COX4I1: variants seen among roughly 807,000 people sequenced by gnomAD.
COX4I1 encodes the protein cytochrome c oxidase subunit 4 isoform 1, mitochondrial.
A neutral mutation model predicts 21.7 loss-of-function variants in COX4I1; 18 were observed. The ratio of observed to expected loss-of-function variants is 0.83; its 90% CI spans 0.57 to 1.23. The LOEUF (loss-of-function observed/expected upper bound fraction) is 1.23. Ranked by LOEUF, COX4I1 falls within the 50% of genes most tolerant of loss-of-function variation. The pLI, the probability that COX4I1 is intolerant of heterozygous loss-of-function variation, is 0.00. For synonymous variants in COX4I1, 100 were observed against 81.5 expected, an observed-to-expected ratio of 1.23 and a Z score of -1.23; for missense variants, 238 against 220.7, an observed-to-expected ratio of 1.08 and a Z score of -0.50.
chr16:85,802,095 T>TTAG (rs1239031585), intron 2 of COX4I1, among the ~76,000 whole-genome samples: 1 of 152,138 alleles, frequency 6.6e-6, no homozygotes, highest in African/African-American at 2.4e-5. Flanking sequence ...TCCGATCTTA[T>TTAG]TACTGACTGT....
chr16:85,801,413 C>G (rs1905748834), intron 2 of COX4I1, 135 bp downstream of exon 2: 2 of 618,532 alleles, frequency 3.2e-6, no homozygotes, highest in Non-Finnish European at 5.7e-6. Context: ...TATAAATGTT[C>G]TCACAGGGCT....
chr16:85,806,878 A>T lies in COX4I1; in HGVS notation c.*4A>T. On this transcript the variant is annotated 3_prime_UTR_variant, in exon 5 of 5. Coordinates refer to ENST00000253452, the MANE Select transcript of COX4I1 (RefSeq NM_001861.6). ...AAAGAACGAGTGGAAGAAGTGAGAG[A>T]TGCTGGCCTGCGCCTGCACCTGCGC... is the stretch of plus-strand genomic sequence containing the variant. The T allele has an allele frequency of 6.2e-7, 1 of 1,611,942 alleles. No homozygotes were observed. The highest frequency in any genetic ancestry group is 1.1e-5 in the South Asian group (1 of 90,820).
intron 2 of COX4I1, among the ~76,000 whole-genome samples, chr16:85,802,638 G>A (rs1905857973): frequency 6.6e-6 from 1 of 152,204 alleles, no homozygotes; most frequent in African/African-American, 2.4e-5. Flanking sequence ...CTGAGTAAGG[G>A]GTGCCCAGAT....
intron 3 of COX4I1, chr16:85,805,442 CAA>C: frequency 3.7e-6 from 2 of 538,304 alleles, no homozygotes; most frequent in South Asian, 5.4e-5. Context: ...AGAAAAATAA[CAA>C]GATTAAATAG....
In COX4I1 at chr16:85,801,618, C is replaced by A. The variant is rs570274783; in HGVS notation, c.73+340C>A. ...CCTCCCCACCTTGCCCCCACAACTC[C>A]CAACCATTTGCATCACCTCTGTTTA... On this transcript the variant is annotated intron_variant, in intron 2 of 4. Coordinates refer to ENST00000253452, the MANE Select transcript of COX4I1 (RefSeq NM_001861.6). 3.9e-5 allele frequency among the ~76,000 whole-genome samples: 6 copies of A among 152,240 alleles called. No individual in the cohort carries two copies. The East Asian group carries it at 1.2e-3, about 29-fold the overall frequency.
intron 4 of COX4I1, 131 bp from the exon 5 acceptor site, chr16:85,806,607 C>A: frequency 1.6e-6 from 2 of 1,282,268 alleles, no homozygotes; most frequent in Non-Finnish European, 2.3e-6. Flanking sequence ...TGTGTTTGAG[C>A]GGGTGTTGAG....
rs745678886 is a variant in COX4I1, at chr16:85,806,489, T to C, written c.374-249T>C. 2 of 707,690 alleles carry C rather than the reference T, an allele frequency of 2.8e-6. 1 individual carries two copies. The highest frequency in any genetic ancestry group is 3.0e-5 in the South Asian group (2 of 67,692). 43.8% of individuals were successfully genotyped at this position (707,690 alleles called of 1,614,324 possible). A position where few individuals can be genotyped will look rare whatever the true frequency, so the allele number is the denominator to read the frequency against. On this transcript the variant is annotated intron_variant, in intron 4 of 4. Coordinates refer to ENST00000253452, the MANE Select transcript of COX4I1 (RefSeq NM_001861.6). ...GGGCTCTGTTTGTCAGATCCTGTTA[T>C]CCATAGCCTTTAGAGAGGACCTTCT... is the stretch of plus-strand genomic sequence containing the variant.
rs573874022 is a variant in COX4I1 at position 85,806,208 on chromosome 16, C to T, written c.373+344C>T. On this transcript the variant is annotated intron_variant, in intron 4 of 4. Transcript: ENST00000253452. ...AGGTTCGAGCAAGGATAAGGGGACT[C>T]ATTCATTGAATGACTGTCTGGACTG... is the stretch of plus-strand genomic sequence containing the variant. The T allele has an allele frequency of 6.8e-6, 4 of 588,686 alleles. No individual in the cohort carries two copies. The East Asian group carries it at 8.3e-5, about 12-fold the overall frequency. 36.5% of individuals were successfully genotyped at this position (588,686 alleles called of 1,614,324 possible). A position where few individuals can be genotyped will look rare whatever the true frequency, so the allele number is the denominator to read the frequency against.
At position 85,805,786 on chromosome 16, in the gene COX4I1, G is replaced by T. The variant is rs1906145851; in HGVS notation, c.295G>T (p.Glu99Ter). Residue 99 changes from glutamate to a stop codon, truncating the protein, a stop_gained, in exon 4 of 5, where the codon GAG becomes TAG. Transcript: ENST00000253452. LOFTEE classifies it high-confidence loss of function. ...TGCTGAGATGAACAGGGGCTCGAAC[G>T]AGTGGAAGACGGTTGTGGGCGGTGC... Reference protein sequence around the residue: ...SFAEMNRGSNEWKTVVGGAMF... With the variant: ...SFAEMNRGSN 6.2e-7 allele frequency: 1 copy of T among 1,614,126 alleles called. No homozygotes were observed. Among genetic ancestry groups the T allele is most frequent in the South Asian group, 1.1e-5 (1 of 91,088 alleles).
Position 85,807,066 on chromosome 16 carries a change from C to T in COX4I1, c.*192C>T. 1.6e-6 allele frequency: 1 copy of T among 620,432 alleles called. No individual in the cohort carries two copies. Among genetic ancestry groups the T allele is most frequent in the African/African-American group, 1.9e-5 (1 of 54,004 alleles). 38.4% of individuals were successfully genotyped at this position (620,432 alleles called of 1,614,324 possible). The stretch of plus-strand genomic sequence containing the variant: ...GCTAATTAAAACAATAGGTTTCTCC[C>T]AAGGGTCTGGAGTAAATATATTTTG... On this transcript the variant is annotated 3_prime_UTR_variant, in exon 5 of 5. Transcript: ENST00000253452.
intron 3 of COX4I1, chr16:85,805,314 C>T: frequency 1.8e-6 from 1 of 563,638 alleles, no homozygotes; most frequent in Admixed American, 3.4e-5. Flanking sequence ...TTTGCTAGGC[C>T]CCCTTCTCTG....
intron 1 of COX4I1, 75 bp from the exon 2 acceptor site, chr16:85,801,130 T>C (rs1018860428): frequency 2.3e-6 from 3 of 1,314,528 alleles, no homozygotes; most frequent in African/African-American, 2.9e-5. Flanking sequence ...TCCAAAATGC[T>C]CTGGGGCAAA....
chr16:85,805,835 C>T lies in COX4I1; in HGVS notation c.344C>T (p.Ala115Val), dbSNP rs375895416. 19 of 1,614,102 alleles carry T rather than the reference C, an allele frequency of 1.2e-5. No homozygotes were observed. In the Admixed American group the frequency reaches 1.7e-4, roughly 14 times the overall value. ...GGAMFFIGFT[A>V]LVIMWQKHYV... is the part of the protein sequence containing the mutation. ...GCCATGTTCTTCATCGGTTTCACCG[C>T]GCTCGTTATCATGTGGCAGAAGCAC... Residue 115 changes from alanine to valine, a missense_variant, in exon 4 of 5, where the codon GCG (alanine) becomes GTG (valine). By Grantham distance (64) the Ala-to-Val change is moderately conservative (BLOSUM62 0). Transcript: ENST00000253452.
At chr16:85,803,635 AAAT>A (rs1442377341) in intron 2 of COX4I1, 1 of 152,084 alleles carries the variant, frequency 6.6e-6, no homozygotes, top group Non-Finnish European at 1.5e-5. Context: ...GAAGGCACTA[AAAT>A]AACAGAAGCA....
chr16:85,804,381 GA>G (rs1278674972), intron 2 of COX4I1: 1 of 152,214 alleles, frequency 6.6e-6, no homozygotes, highest in Admixed American at 6.5e-5. Context: ...ATTTTGAGAC[GA>G]AGTCTCGCTC....
chr16:85,804,950 G>C lies in COX4I1; in HGVS notation c.87G>C (p.Lys29Asn). Residue 29 changes from lysine to asparagine, a missense_variant, in exon 3 of 5, where the codon AAG becomes AAC. Coordinates refer to ENST00000253452, the MANE Select transcript of COX4I1 (RefSeq NM_001861.6). ...VCVRAHESVV[K>N]SEDFSLPAYM... Reference sequence around the variant, plus strand: ...TATGTTTTTCAGAAAGTGTTGTGAAGAGCGAAGACTTTTCGCTCCCAGCTT... The same window carrying C: ...TATGTTTTTCAGAAAGTGTTGTGAACAGCGAAGACTTTTCGCTCCCAGCTT... 6.2e-7 allele frequency: 1 copy of C among 1,609,190 alleles called. No homozygotes were observed. Among genetic ancestry groups the C allele is most frequent in the Non-Finnish European group, 8.5e-7 (1 of 1,178,282 alleles).
At chr16:85,801,750 C>G (rs756600618) in intron 2 of COX4I1, among the ~76,000 whole-genome samples, 8 of 152,142 alleles carry the variant, frequency 5.3e-5, no homozygotes, top group Non-Finnish European at 1.0e-4. Flanking sequence ...AATCTCTTTG[C>G]TCACCTGAAG....
intron 4 of COX4I1, 132 bp downstream of exon 4, chr16:85,805,996 G>A: frequency 7.5e-7 from 1 of 1,330,236 alleles, no homozygotes; most frequent in African/African-American, 1.5e-5. Flanking sequence ...TTCATCTCAG[G>A]ATTGTTTCCA....
chr16:85,804,781 C>T (rs1055775215), intron 2 of COX4I1, 156 bp from the exon 3 acceptor site: 2 of 631,980 alleles, frequency 3.2e-6, no homozygotes, highest in Admixed American at 3.4e-5. Context: ...CCCTCCACCA[C>T]ACTCCTGCAA....
Sources: gnomAD v4.1 joint callset for allele counts (sites outside exome capture counted in the v4.1 genomes callset) on GRCh38, gnomAD v4.1.1 for gene constraint, MANE v1.5 for transcripts, NCBI Gene and HGNC (gene_info 2026-07-23, HGNC 2026-07-21) for gene names.